The following LRP1B variants were observed in gnomAD, a reference collection of about 807,000 sequenced individuals.
LRP1B encodes the protein low-density lipoprotein receptor-related protein 1B.
LRP1B carries 217 observed loss-of-function variants against 556.6 expected under a neutral mutation model. The ratio of observed to expected loss-of-function variants is 0.39; its 90% CI spans 0.35 to 0.44. LRP1B has a LOEUF of 0.44. Ranked by LOEUF, LRP1B falls within the 20% of genes least tolerant of loss-of-function variation. The pLI is 1.00. For missense variants in LRP1B, 5,053 were observed against 5,620.8 expected (o/e 0.90, Z 3.23); for synonymous variants, 2,047 against 1,865.8 (o/e 1.10, Z -2.50).
At chr2:140,793,420 T>C (rs1690191209) in intron 32 of LRP1B, among the ~76,000 whole-genome samples, 1 of 152,002 alleles carries the variant, frequency 6.6e-6, no homozygotes, top group Non-Finnish European at 1.5e-5. Context: ...TGGCTGCTCT[T>C]ATCTTAGATA....
At chr2:141,540,241 A>C (rs1378001083) in intron 2 of LRP1B, among the ~76,000 whole-genome samples, 3 of 152,084 alleles carry the variant, frequency 2.0e-5, no homozygotes. Context: ...AAGAACAAAG[A>C]AGCCAATGTG....
At chr2:141,519,396 TATATATGAAATGC>T (rs1559118170) in intron 2 of LRP1B, among the ~76,000 whole-genome samples, 1 of 21,758 alleles carries the variant, frequency 4.6e-5, no homozygotes, top group African/African-American at 1.9e-4. Context: ...TATATATATA[TATATATGAAATGC>T]AATATTTATT....
intron 84 of LRP1B, among the ~76,000 whole-genome samples, chr2:140,291,320 T>TATATATATATATATATATATTTA: frequency 1.9e-5 from 1 of 51,876 alleles, no homozygotes; most frequent in East Asian, 7.1e-4. Flanking sequence ...ATATATATAT[T>TATATATATATATATATATATTTA]TTTATTATAC....
intron 29 of LRP1B, among the ~76,000 whole-genome samples, chr2:140,849,083 A>G (rs1385556174): frequency 1.3e-5 from 2 of 151,516 alleles, no homozygotes; most frequent in Non-Finnish European, 2.9e-5. Context: ...GAGGCCGGGC[A>G]TGGTGGCTCA....
intron 3 of LRP1B, among the ~76,000 whole-genome samples, chr2:141,349,861 G>A (rs72979020): frequency 0.02 from 3,100 of 151,972 alleles, 126 homozygotes; most frequent in African/African-American, 0.07. Context: ...CAAGATACAG[G>A]AAATATAATG....
intron 1 of LRP1B, among the ~76,000 whole-genome samples, chr2:141,927,358 T>C (rs1700362291): frequency 6.6e-6 from 1 of 152,156 alleles, no homozygotes; most frequent in African/African-American, 2.4e-5. Flanking sequence ...GTCTAAAGTT[T>C]TGAATTTTTA....
chr2:141,681,520 G>A (rs955249134), intron 2 of LRP1B, among the ~76,000 whole-genome samples: 4 of 151,822 alleles, frequency 2.6e-5, no homozygotes, highest in Non-Finnish European at 5.9e-5. Context: ...TACTTTATGT[G>A]TGTTTTATGA....
intron 4 of LRP1B, among the ~76,000 whole-genome samples, chr2:141,252,915 G>T (rs1397955042): frequency 6.6e-6 from 1 of 152,120 alleles, no homozygotes; most frequent in Non-Finnish European, 1.5e-5. Context: ...TGATTGCTGT[G>T]CAATTCTTCA....
chr2:141,101,023 T>C (rs548859619), intron 7 of LRP1B, among the ~76,000 whole-genome samples: 33 of 152,132 alleles, frequency 2.2e-4, no homozygotes, highest in African/African-American at 7.0e-4. Context: ...GCCTTGGACA[T>C]ACCATGCAAG....
intron 3 of LRP1B, among the ~76,000 whole-genome samples, chr2:141,421,427 G>A (rs1434846862): frequency 1.3e-5 from 2 of 150,214 alleles, no homozygotes; most frequent in African/African-American, 4.9e-5. Flanking sequence ...TACTTGGGAG[G>A]CTGAGGCAGG....
At chr2:142,045,927 A>C (rs973709508) in intron 1 of LRP1B, among the ~76,000 whole-genome samples, 1 of 151,926 alleles carries the variant, frequency 6.6e-6, no homozygotes, top group African/African-American at 2.4e-5. Flanking sequence ...TGCTAATAGA[A>C]TATGCTTCTG....
intron 3 of LRP1B, among the ~76,000 whole-genome samples, chr2:141,267,720 T>A (rs1684941999): frequency 6.6e-6 from 1 of 152,190 alleles, no homozygotes; most frequent in South Asian, 2.1e-4. Flanking sequence ...AGAAACTGTG[T>A]ATACCCAATA....
chr2:140,689,368 T>G (rs914809700), intron 41 of LRP1B, among the ~76,000 whole-genome samples: 11 of 152,204 alleles, frequency 7.2e-5, no homozygotes, highest in African/African-American at 2.4e-4. Context: ...CACTTCCAAT[T>G]TCTGCATGTC....
intron 43 of LRP1B, among the ~76,000 whole-genome samples, chr2:140,583,953 G>T (rs1681882496): frequency 6.6e-6 from 1 of 152,100 alleles, no homozygotes; most frequent in African/African-American, 2.4e-5. Context: ...TTCAGAAAAA[G>T]CACATGCTTG....
At chr2:142,082,049 A>T (rs930655977) in intron 1 of LRP1B, among the ~76,000 whole-genome samples, 10 of 152,220 alleles carry the variant, frequency 6.6e-5, no homozygotes, top group Admixed American at 3.9e-4. Context: ...GCTGATGCTC[A>T]TCTGGTTTAA....
intron 2 of LRP1B, among the ~76,000 whole-genome samples, chr2:141,647,586 A>G (rs1446271414): frequency 6.6e-6 from 1 of 152,166 alleles, no homozygotes. Flanking sequence ...CTCAACTTCT[A>G]TCTTCTAAGC....
intron 1 of LRP1B, among the ~76,000 whole-genome samples, chr2:142,038,470 A>C (rs1703960389): frequency 6.6e-6 from 1 of 151,642 alleles, no homozygotes; most frequent in African/African-American, 2.4e-5. Flanking sequence ...CTGATTATAC[A>C]AAAACAGTAA....
At chr2:140,651,588 C>G (rs535203752) in intron 41 of LRP1B, among the ~76,000 whole-genome samples, 2 of 147,328 alleles carry the variant, frequency 1.4e-5, no homozygotes, top group East Asian at 4.0e-4. Flanking sequence ...ATGCAGTTAC[C>G]CAAAAAGTAA....
chr2:140,608,264 A>T (rs897095145), intron 41 of LRP1B, among the ~76,000 whole-genome samples: 1 of 152,178 alleles, frequency 6.6e-6, no homozygotes, highest in Non-Finnish European at 1.5e-5. Flanking sequence ...AAAAATAACC[A>T]GTGAGAATAT....
Sources: allele counts gnomAD v4.1 joint callset (sites outside exome capture counted in the v4.1 genomes callset), GRCh38; gene constraint gnomAD v4.1.1; transcripts MANE v1.5; gene names NCBI Gene and HGNC (gene_info 2026-07-23, HGNC 2026-07-21).